The following HHAT variants were observed in gnomAD, a reference collection of about 807,000 sequenced individuals.
The protein encoded by HHAT is protein-cysteine N-palmitoyltransferase HHAT.
HHAT carries 47 observed loss-of-function variants against 70.8 expected under a neutral mutation model. The observed-to-expected ratio is 0.66, with a 90% confidence interval of 0.53 to 0.85. The LOEUF (loss-of-function observed/expected upper bound fraction) is 0.85, where lower values mean the gene tolerates loss of function less well. HHAT is among the 40% of genes least tolerant of loss of function. The pLI is 0.00. For missense variants in HHAT, 609 were observed against 604.8 expected (o/e 1.01, Z -0.07); for synonymous variants, 228 against 247.6 (o/e 0.92, Z 0.74).
At chr1:210,668,499 C>T (rs957429008) in intron 11 of HHAT, among the ~76,000 whole-genome samples, 2 of 152,178 alleles carry the variant, frequency 1.3e-5, no homozygotes, top group Non-Finnish European at 2.9e-5. Context: ...GCAGTTCCCC[C>T]GCACATGCTC....
chr1:210,435,739 T>C (rs2093360119), intron 7 of HHAT, among the ~76,000 whole-genome samples: 1 of 151,970 alleles, frequency 6.6e-6, no homozygotes, highest in Non-Finnish European at 1.5e-5. Context: ...CTTTTTCGTA[T>C]ATTTTTTGGC....
At chr1:210,567,651 T>G (rs984757301) in intron 9 of HHAT, among the ~76,000 whole-genome samples, 1 of 152,188 alleles carries the variant, frequency 6.6e-6, no homozygotes, top group African/African-American at 2.4e-5. Flanking sequence ...TTTTGCCTTT[T>G]TAGATCATCG....
intron 9 of HHAT, among the ~76,000 whole-genome samples, chr1:210,517,910 G>A (rs190030455): frequency 1.4e-3 from 212 of 152,134 alleles, no homozygotes; most frequent in African/African-American, 4.9e-3. Context: ...CCTCAGGTGG[G>A]GCAGTAGTTT....
At chr1:210,472,064 C>T (rs1214815102) in intron 8 of HHAT, among the ~76,000 whole-genome samples, 1 of 152,068 alleles carries the variant, frequency 6.6e-6, no homozygotes, top group Non-Finnish European at 1.5e-5. Flanking sequence ...ATTATCTGAT[C>T]CTGTAATAAG....
chr1:210,672,301 A>T (rs945308703), intron 11 of HHAT, among the ~76,000 whole-genome samples: 1 of 152,190 alleles, frequency 6.6e-6, no homozygotes, highest in South Asian at 2.1e-4. Context: ...GAGAACCTGT[A>T]ATCACCCCCA....
At chr1:210,622,992 G>A (rs1030704803) in intron 10 of HHAT, among the ~76,000 whole-genome samples, 2 of 152,152 alleles carry the variant, frequency 1.3e-5, no homozygotes, top group Admixed American at 6.5e-5. Flanking sequence ...GGAAGCCCTC[G>A]CATTTTGTTC....
At position 210,494,146 on chromosome 1, in the gene HHAT, C is replaced by T. The variant is rs148778653; in HGVS notation, c.1008-19007C>T. ...GCAATATCACCTTGTCTCTATCCTA[C>T]ATGTGCAGTGCTTTGTAGTCCATAG... On this transcript the variant is annotated intron_variant, in intron 8 of 11. Coordinates refer to ENST00000261458, the MANE Select transcript of HHAT (RefSeq NM_018194.6). 3.3e-5 allele frequency among the ~76,000 whole-genome samples: 5 copies of T among 152,336 alleles called. No individual in the cohort carries two copies. The South Asian group carries it at 8.3e-4, about 25-fold the overall frequency.
chr1:210,645,509 C>G (rs899937797), intron 11 of HHAT, among the ~76,000 whole-genome samples: 2 of 152,140 alleles, frequency 1.3e-5, no homozygotes, highest in Non-Finnish European at 2.9e-5. Flanking sequence ...AATTTTTATA[C>G]AGTAAAATGC....
chr1:210,376,974 G>A (rs1369830370), intron 3 of HHAT, among the ~76,000 whole-genome samples: 2 of 152,196 alleles, frequency 1.3e-5, no homozygotes, highest in Non-Finnish European at 2.9e-5. Flanking sequence ...GACTCCATGT[G>A]GAGTTCCAGT....
intron 7 of HHAT, among the ~76,000 whole-genome samples, chr1:210,432,434 G>A (rs746072548): frequency 6.6e-6 from 1 of 151,974 alleles, no homozygotes; most frequent in Non-Finnish European, 1.5e-5. Context: ...GGCTGCGTAA[G>A]AGGGGATTTA....
At chr1:210,653,037 C>A (rs1424169386) in intron 11 of HHAT, among the ~76,000 whole-genome samples, 1 of 152,128 alleles carries the variant, frequency 6.6e-6, no homozygotes, top group South Asian at 2.1e-4. Context: ...TTGGAATAGA[C>A]ATAAATGTCC....
At chr1:210,595,410 G>C (rs1273580803) in intron 10 of HHAT, among the ~76,000 whole-genome samples, 2 of 152,200 alleles carry the variant, frequency 1.3e-5, no homozygotes, top group Non-Finnish European at 2.9e-5. Context: ...ATTGTGAATA[G>C]TGCCGCAATA....
chr1:210,549,578 G>T (rs1199565868), intron 9 of HHAT, among the ~76,000 whole-genome samples: 1 of 148,966 alleles, frequency 6.7e-6, no homozygotes, highest in African/African-American at 2.5e-5. Context: ...GTAATAAGGA[G>T]ACCTGAGTTT....
chr1:210,403,786 G>A lies in HHAT; in HGVS notation c.469-678G>A, dbSNP rs77807629. Reference sequence around the variant, plus strand: ...AAAATACTTCATAATTTTACTCCCCGATATTAACATTTTATTGTATTTCCT... The same window carrying A: ...AAAATACTTCATAATTTTACTCCCCAATATTAACATTTTATTGTATTTCCT... On this transcript the variant is annotated intron_variant, in intron 5 of 11. Coordinates refer to ENST00000261458, the MANE Select transcript of HHAT (RefSeq NM_018194.6). 8.9e-3 allele frequency among the ~76,000 whole-genome samples: 1,361 copies of A among 152,138 alleles called. 28 individuals are homozygous for A. Among genetic ancestry groups the A allele is most frequent in the African/African-American group, 0.031 (1,271 of 41,500 alleles).
At chr1:210,504,044 T>A (rs1214225529) in intron 8 of HHAT, among the ~76,000 whole-genome samples, 1 of 152,198 alleles carries the variant, frequency 6.6e-6, no homozygotes. Flanking sequence ...AATTCAAAAC[T>A]TTTGTGCTTC....
At chr1:210,455,567 C>G (rs1295565949) in intron 7 of HHAT, among the ~76,000 whole-genome samples, 1 of 152,044 alleles carries the variant, frequency 6.6e-6, no homozygotes, top group African/African-American at 2.4e-5. Flanking sequence ...AACGTGGTGA[C>G]TTGGAGACAG....
At chr1:210,619,189 G>A (rs1274891625) in intron 10 of HHAT, among the ~76,000 whole-genome samples, 4 of 152,064 alleles carry the variant, frequency 2.6e-5, no homozygotes, top group African/African-American at 7.2e-5. Context: ...AAACTGCCCC[G>A]ACCCACCCCC....
intron 9 of HHAT, among the ~76,000 whole-genome samples, chr1:210,525,049 A>G (rs2095225059): frequency 6.6e-6 from 1 of 152,020 alleles, no homozygotes; most frequent in African/African-American, 2.4e-5. Flanking sequence ...CAGTTTTCCC[A>G]GGGTGACAAG....
chr1:210,632,604 C>G (rs538494455), intron 11 of HHAT, among the ~76,000 whole-genome samples: 1 of 152,302 alleles, frequency 6.6e-6, no homozygotes, highest in African/African-American at 2.4e-5. Context: ...GCACAACTGC[C>G]GGCATTCAAA....
Sources: gnomAD v4.1 joint callset for allele counts (sites outside exome capture counted in the v4.1 genomes callset) on GRCh38, gnomAD v4.1.1 for gene constraint, MANE v1.5 for transcripts, NCBI Gene and HGNC (gene_info 2026-07-23, HGNC 2026-07-21) for gene names.